ABI2: variants seen among roughly 807,000 people sequenced by gnomAD.
ABI2 encodes abelson interactor 2.
In ABI2, 25 loss-of-function variants were observed where a neutral mutation model predicts 59.2. The ratio of observed to expected loss-of-function variants is 0.42; its 90% CI spans 0.31 to 0.59. The LOEUF is 0.59. ABI2 is among the 20% of genes least tolerant of loss of function. ABI2 has a pLI of 0.14. For synonymous variants in ABI2, 213 were observed against 235.5 expected, an observed-to-expected ratio of 0.90 and a Z score of 0.87; for missense variants, 545 against 681.8, an observed-to-expected ratio of 0.80 and a Z score of 2.23.
intron 1 of ABI2, among the ~76,000 whole-genome samples, chr2:203,352,569 GAA>G (rs141657311): frequency 6.9e-6 from 1 of 144,170 alleles, no homozygotes; most frequent in Non-Finnish European, 1.5e-5. Flanking sequence ...AAAAGTTAAA[GAA>G]AAAAAAAATA....
intron 9 of ABI2, among the ~76,000 whole-genome samples, chr2:203,409,495 A>G (rs764250863): frequency 3.9e-5 from 6 of 152,176 alleles, no homozygotes; most frequent in Non-Finnish European, 5.9e-5. Flanking sequence ...CCTGTTTACC[A>G]TCCCATTTCT....
intron 8 of ABI2, among the ~76,000 whole-genome samples, chr2:203,397,773 C>T (rs554251128): frequency 2.0e-5 from 3 of 152,162 alleles, no homozygotes; most frequent in Non-Finnish European, 4.4e-5. Context: ...AGGAAACTTA[C>T]ACTCATGGCC....
intron 11 of ABI2, among the ~76,000 whole-genome samples, chr2:203,419,925 T>C (rs1382916573): frequency 1.3e-5 from 2 of 151,904 alleles, no homozygotes; most frequent in Admixed American, 6.6e-5. Flanking sequence ...GAGGCGGAGG[T>C]TGGGGAGAGC....
intron 1 of ABI2, among the ~76,000 whole-genome samples, chr2:203,353,554 A>T (rs553393862): frequency 1.3e-5 from 2 of 152,288 alleles, no homozygotes; most frequent in Admixed American, 1.3e-4. Context: ...GTCTTCTCTC[A>T]CAGCAACCTC....
chr2:203,376,288 A>G (rs925934647), intron 2 of ABI2, among the ~76,000 whole-genome samples: 1 of 152,148 alleles, frequency 6.6e-6, no homozygotes, highest in African/African-American at 2.4e-5. Context: ...ATGCTTTTCT[A>G]TATTCTGCAA....
intron 5 of ABI2, among the ~76,000 whole-genome samples, chr2:203,392,798 A>G (rs2096818246): frequency 6.6e-6 from 1 of 152,110 alleles, no homozygotes; most frequent in Non-Finnish European, 1.5e-5. Flanking sequence ...GTTGTTTTCA[A>G]GTTTTGAAGA....
intron 2 of ABI2, among the ~76,000 whole-genome samples, chr2:203,369,575 TGTG>T (rs959741248): frequency 1.3e-5 from 2 of 152,334 alleles, no homozygotes; most frequent in Admixed American, 1.3e-4. Context: ...GTTTAATTAA[TGTG>T]GTCAATTAAT....
chr2:203,353,054 G>C (rs2089878411), intron 1 of ABI2, among the ~76,000 whole-genome samples: 1 of 152,142 alleles, frequency 6.6e-6, no homozygotes, highest in African/African-American at 2.4e-5. Flanking sequence ...AGTTTACTCT[G>C]TGATGTTTGC....
At chr2:203,366,736 G>C (rs2094486896) in intron 1 of ABI2, 141 bp from the exon 2 acceptor site, 2 of 735,724 alleles carry the variant, frequency 2.7e-6, no homozygotes, top group Non-Finnish European at 2.0e-6. Flanking sequence ...TGTGATACCA[G>C]TAGTTTTCAA....
At chr2:203,425,041 T>G (rs1001925357) in intron 11 of ABI2, among the ~76,000 whole-genome samples, 4 of 151,308 alleles carry the variant, frequency 2.6e-5, no homozygotes, top group African/African-American at 9.7e-5. Context: ...TTTTTTTTTT[T>G]TTGTATTTTT....
chr2:203,351,292 C>T (rs1466830659), intron 1 of ABI2, among the ~76,000 whole-genome samples: 7 of 152,060 alleles, frequency 4.6e-5, no homozygotes, highest in Non-Finnish European at 1.0e-4. Flanking sequence ...TTTGTTCTTC[C>T]GTTTCAGGAT....
intron 3 of ABI2, 114 bp downstream of exon 3, chr2:203,380,498 A>T: frequency 1.5e-6 from 1 of 658,148 alleles, no homozygotes; most frequent in Non-Finnish European, 2.3e-6. Context: ...GTCTTGGCCC[A>T]GTTGTGGTTG....
In ABI2 at chr2:203,338,988, A is replaced by G. The variant is rs1395118662; in HGVS notation, c.117+10357A>G. ...AATATATATATATATATATAAATAT[A>G]TATATATATATATATATATAAAGGA... On this transcript the variant is annotated intron_variant, in intron 1 of 11. Coordinates refer to ENST00000261018, the MANE Select transcript of ABI2 (RefSeq NM_001375670.1). 1.6e-4 allele frequency among the ~76,000 whole-genome samples: 14 copies of G among 86,020 alleles called. 2 individuals carry two copies. Among genetic ancestry groups the G allele is most frequent in the South Asian group, 3.7e-4 (1 of 2,688 alleles). The allele number at this position is 86,020 out of a possible 152,430, so 56.4% of individuals were successfully genotyped here.
chr2:203,355,846 A>C (rs1029528866), intron 1 of ABI2, among the ~76,000 whole-genome samples: 2 of 151,240 alleles, frequency 1.3e-5, no homozygotes, highest in African/African-American at 2.4e-5. Flanking sequence ...AAAAAAAAAA[A>C]AAAAACACCC....
chr2:203,347,576 C>T (rs944510492), intron 1 of ABI2, among the ~76,000 whole-genome samples: 1 of 152,228 alleles, frequency 6.6e-6, no homozygotes, highest in Non-Finnish European at 1.5e-5. Flanking sequence ...TGTGCCAAGC[C>T]TTTCTGGGCA....
intron 3 of ABI2, among the ~76,000 whole-genome samples, chr2:203,381,099 A>G (rs543043758): frequency 3.9e-5 from 6 of 152,360 alleles, no homozygotes; most frequent in Admixed American, 2.0e-4. Context: ...TGTACAGTTC[A>G]TGTAGTTGAT....
intron 6 of ABI2, chr2:203,395,106 G>A: frequency 1.4e-6 from 1 of 704,304 alleles, no homozygotes; most frequent in South Asian, 1.5e-5. Context: ...AAAAAATTAT[G>A]GACCAAATGT....
intron 1 of ABI2, among the ~76,000 whole-genome samples, chr2:203,346,131 A>G (rs1050987707): frequency 8.6e-5 from 13 of 151,622 alleles, no homozygotes; most frequent in African/African-American, 2.9e-4. Context: ...TCTGGGTGAC[A>G]AGAGTGAAAC....
chr2:203,344,348 A>G (rs945931765), intron 1 of ABI2, among the ~76,000 whole-genome samples: 2 of 151,966 alleles, frequency 1.3e-5, no homozygotes, highest in African/African-American at 2.4e-5. Flanking sequence ...ATCAAGAACA[A>G]TATAATTTTT....
Sources: gnomAD v4.1 joint callset for allele counts (sites outside exome capture counted in the v4.1 genomes callset) on GRCh38, gnomAD v4.1.1 for gene constraint, MANE v1.5 for transcripts, NCBI Gene and HGNC (gene_info 2026-07-23, HGNC 2026-07-21) for gene names.